Variants in RIF1 observed in about 807,000 individuals in gnomAD.
The protein encoded by RIF1 is replication timing regulatory factor 1.
In RIF1, 45 loss-of-function variants were observed where a neutral mutation model predicts 247.1. That is an observed-to-expected ratio of 0.18 (90% CI 0.14 to 0.23). RIF1 has a LOEUF of 0.23. Ranked by LOEUF, RIF1 falls within the 10% of genes least tolerant of loss-of-function variation. The pLI is 1.00. For missense variants in RIF1, 2,967 were observed against 2,862.5 expected (o/e 1.04, Z -0.83); for synonymous variants, 1,087 against 978.8 (o/e 1.11, Z -2.06).
intron 12 of RIF1, among the ~76,000 whole-genome samples, chr2:151,503,634 TTGAAAAC>T (rs2066464651): frequency 6.6e-6 from 1 of 152,202 alleles, no homozygotes. Context: ...TTTTACTACT[TTGAAAAC>T]TGGGCACTAA....
intron 34 of RIF1, 84 bp downstream of exon 34, chr2:151,469,948 A>T: frequency 1.1e-6 from 1 of 918,248 alleles, no homozygotes. Context: ...AGATCACTTC[A>T]TAATGGCACA....
downstream of RIF1, chr2:151,486,476 G>C (rs2050491629): frequency 6.5e-6 from 1 of 153,660 alleles, no homozygotes; most frequent in Admixed American, 6.4e-5. Flanking sequence ...ATTACCCTAT[G>C]GCCCAGCAAA....
chr2:151,526,833 A>T, the RIF1 span: 1 of 1,016,456 alleles, frequency 9.8e-7, no homozygotes, highest in South Asian at 1.4e-5. Context: ...GCTCTTCTCC[A>T]TCCTTCCCTG....
chr2:151,533,666 C>T, the RIF1 span: 5 of 640,992 alleles, frequency 7.8e-6, no homozygotes, highest in Admixed American at 1.2e-4. Context: ...TATGTACTCA[C>T]ATATGTGCGG....
chr2:151,508,140 TA>T (rs1559360950), downstream of RIF1: 1 of 1,490,578 alleles, frequency 6.7e-7, no homozygotes. Context: ...ATAAGGAGGG[TA>T]AACACCACAG....
At chr2:151,519,009 G>GTATTC in the RIF1 span, 1 of 1,613,724 alleles carries the variant, frequency 6.2e-7, no homozygotes, top group Non-Finnish European at 8.5e-7. Flanking sequence ...TTCATGATCA[G>GTATTC]AGACTCCTTC....
chr2:151,464,447 C>T lies in RIF1; in HGVS notation c.4927C>T (p.Pro1643Ser). The T allele has an allele frequency of 6.2e-7, 1 of 1,613,504 alleles. No individual in the cohort carries two copies. The highest frequency in any genetic ancestry group is 1.3e-5 in the African/African-American group (1 of 75,028). ...AGTAACTTCAGATTTGTTGCAAGTTCCTGATGATTTACCAAATGTGTGTGA... is the reference window on the plus strand; with the variant it reads ...AGTAACTTCAGATTTGTTGCAAGTTTCTGATGATTTACCAAATGTGTGTGA... ...STVTSDLLQV[P>S]DDLPNVCEEK... The change falls in exon 30 of 36, where the codon CCT (proline) becomes TCT (serine). Residue 1643 changes from proline to serine, a missense_variant. This residue lies in a region of RIF1 where 2,028 missense variants were observed against 1,825.6 expected (regional missense o/e 1.11). Transcript: ENST00000444746.
At chr2:151,485,178 G>A (rs1454399540), downstream of RIF1, among the ~76,000 whole-genome samples, 1 of 152,216 alleles carries the variant, frequency 6.6e-6, no homozygotes, top group African/African-American at 2.4e-5. Flanking sequence ...CTGAATGCAA[G>A]TATAGATAGA....
At chr2:151,496,960 T>TTG in intron 10 of RIF1, 1 of 1,577,968 alleles carries the variant, frequency 6.3e-7, no homozygotes, top group Non-Finnish European at 8.6e-7. Flanking sequence ...ATTTTCTTGA[T>TTG]TGTGTTTGAC....
intron 13 of RIF1, chr2:151,507,196 A>T: frequency 1.8e-6 from 1 of 551,250 alleles, no homozygotes; most frequent in South Asian, 2.3e-5. Context: ...AACTAATTTT[A>T]AAAAACATAT....
chr2:151,486,141 A>G, downstream of RIF1: 1 of 536,090 alleles, frequency 1.9e-6, no homozygotes, highest in Non-Finnish European at 3.3e-6. Flanking sequence ...TCCAGAACAT[A>G]TGACGAACTC....
rs1559013840 is a variant in RIF1, at chr2:151,463,505, C to G, written c.3985C>G (p.Pro1329Ala). 1.2e-6 allele frequency: 2 copies of G among 1,614,076 alleles called. No homozygotes were observed. The highest frequency in any genetic ancestry group is 1.3e-5 in the African/African-American group (1 of 75,042). Residue 1329 changes from proline to alanine, a missense_variant, in exon 30 of 36, where the codon CCT becomes GCT. By Grantham distance (27) the Pro-to-Ala change is conservative (BLOSUM62 -1). Transcript: ENST00000444746. ...CATTGTAGTCTTAGAAAATAACCCACCTGGTTTGCTTAATCAAACAGAATG... is the reference window on the plus strand; with the variant it reads ...CATTGTAGTCTTAGAAAATAACCCAGCTGGTTTGCTTAATCAAACAGAATG... ...EGIVVLENNP[P>A]GLLNQTECVS...
intron 7 of RIF1, among the ~76,000 whole-genome samples, chr2:151,422,325 GTA>G (rs2152200473): frequency 6.6e-6 from 1 of 152,050 alleles, no homozygotes; most frequent in East Asian, 1.9e-4. Context: ...TTAGGGTAAA[GTA>G]TATTGGTAGA....
intron 6 of RIF1, 99 bp downstream of exon 6, chr2:151,417,000 G>C (rs1558932074): frequency 1.2e-6 from 1 of 833,686 alleles, no homozygotes; most frequent in Non-Finnish European, 1.9e-6. Flanking sequence ...ACATTAAAAG[G>C]GGGGAATGTC....
intron 9 of RIF1, among the ~76,000 whole-genome samples, chr2:151,430,783 A>G (rs567396145): frequency 6.7e-6 from 1 of 148,868 alleles, no homozygotes; most frequent in African/African-American, 2.5e-5. Context: ...CCCCCCAAGT[A>G]GCTGGGACTA....
intron 34 of RIF1, among the ~76,000 whole-genome samples, chr2:151,472,161 GCTCT>G (rs1456009701): frequency 2.0e-5 from 3 of 151,946 alleles, no homozygotes; most frequent in Non-Finnish European, 2.9e-5. Context: ...TCATGATTTG[GCTCT>G]CTGTTTGTCT....
rs1559228786 is a variant in RIF1 at position 151,498,243 on chromosome 2, C to CTTTCT, written c.*514-1099_*514-1095dup. ...CTGAAGTTAAGTGGCATTTTTTCCC[C>CTTTCT]TTTCTTTCCAAAATACCGAGCTAAG... On this transcript the variant is annotated intron_variant and NMD_transcript_variant, in intron 10 of 13. Transcript: ENST00000454583. 1 of 1,550,710 alleles carries CTTTCT rather than the reference C, an allele frequency of 6.4e-7. No homozygotes were observed. The highest frequency in any genetic ancestry group is 2.4e-5 in the East Asian group (1 of 40,880).
At chr2:151,474,822 A>C in intron 35 of RIF1, 35 bp from the exon 36 acceptor site, 2 of 1,213,336 alleles carry the variant, frequency 1.6e-6, no homozygotes, top group Non-Finnish European at 2.4e-6. Context: ...TTTGTCTGGT[A>C]TAGATTTAAT....
chr2:151,429,841 AGT>A (rs1214852346), intron 9 of RIF1, among the ~76,000 whole-genome samples: 2 of 152,218 alleles, frequency 1.3e-5, no homozygotes, highest in African/African-American at 4.8e-5. Context: ...AAACTGTGTT[AGT>A]ATGAGTACTT....
Sources: allele counts gnomAD v4.1 joint callset (sites outside exome capture counted in the v4.1 genomes callset), GRCh38; gene constraint gnomAD v4.1.1; regional missense constraint gnomAD v4.1.1; transcripts MANE v1.5; gene names NCBI Gene and HGNC (gene_info 2026-07-23, HGNC 2026-07-21).